PLCG2: variants seen among roughly 807,000 people sequenced by gnomAD.
PLCG2 encodes the protein 1-phosphatidylinositol 4,5-bisphosphate phosphodiesterase gamma-2.
Under a neutral mutation model 175.6 loss-of-function variants are expected in PLCG2, and 69 were observed. That is an observed-to-expected ratio of 0.39 (90% confidence interval 0.32 to 0.48). The LOEUF (loss-of-function observed/expected upper bound fraction) is 0.48, where lower values mean the gene tolerates loss of function less well. Ranked by LOEUF, PLCG2 falls within the 20% of genes least tolerant of loss-of-function variation. The pLI is 0.91. For synonymous variants in PLCG2, 827 were observed against 624.0 expected (o/e 1.33, Z -4.85); for missense variants, 1,798 against 1,650.9 (o/e 1.09, Z -1.54).
rs1911813869 is a variant in PLCG2 at position 81,962,500 on chromosome 16, C to T, written c.*4502C>T. Reference sequence around the variant, plus strand: ...CCACATTTCTTATTTTTCATTAGGCCTTAAGAAGCTGCATTTGTAAACTTG... The same window carrying T: ...CCACATTTCTTATTTTTCATTAGGCTTTAAGAAGCTGCATTTGTAAACTTG... On this transcript the variant is annotated 3_prime_UTR_variant, in exon 33 of 33. Transcript: ENST00000564138. 9.3e-6 allele frequency: 2 copies of T among 214,096 alleles called. No homozygotes were observed. Among genetic ancestry groups the T allele is most frequent in the African/African-American group, 2.3e-5 (1 of 44,250 alleles). The allele number at this position is 214,096 out of a possible 1,614,324, so 13.3% of individuals were successfully genotyped here. A position where few individuals can be genotyped will look rare whatever the true frequency, so the allele number is the denominator to read the frequency against.
At chr16:81,744,462 C>T (rs143623971) in intron 1 of PLCG2, among the ~76,000 whole-genome samples, 1 of 152,162 alleles carries the variant, frequency 6.6e-6, no homozygotes, top group South Asian at 2.1e-4. Context: ...CGCACCCAGT[C>T]CCCCAACTTC....
At chr16:81,849,402 A>C (rs932524969) in intron 2 of PLCG2, among the ~76,000 whole-genome samples, 1 of 152,184 alleles carries the variant, frequency 6.6e-6, no homozygotes, top group East Asian at 1.9e-4. Flanking sequence ...TGTCTAAAAA[A>C]GTTTTTCTTT....
chr16:81,788,972 C>T (rs1410082302), intron 2 of PLCG2, among the ~76,000 whole-genome samples: 1 of 152,200 alleles, frequency 6.6e-6, no homozygotes, highest in African/African-American at 2.4e-5. Context: ...CAGGTTGTTC[C>T]TTTCTCTTCT....
At position 81,934,536 on chromosome 16, in the gene PLCG2, C is replaced by T; in HGVS notation, c.2842+5C>T. 2 of 1,557,760 alleles carry T rather than the reference C, an allele frequency of 1.3e-6. No individual in the cohort carries two copies. The highest frequency in any genetic ancestry group is 1.8e-6 in the Non-Finnish European group (2 of 1,128,846). On this transcript the variant is annotated splice_donor_5th_base_variant and intron_variant, in intron 26 of 32. Transcript: ENST00000564138. The stretch of plus-strand genomic sequence containing the variant: ...GCAAAACCAAGGACAACTTAGGTAA[C>T]ATCTTTCCCAAGAACATGCCCTATA...
At chr16:81,920,163 G>T (rs1022650586) in intron 20 of PLCG2, among the ~76,000 whole-genome samples, 1 of 152,222 alleles carries the variant, frequency 6.6e-6, no homozygotes, top group Non-Finnish European at 1.5e-5. Flanking sequence ...GTTCACAGGT[G>T]ACTTATCATG....
At chr16:81,748,685 T>A (rs780595302) in intron 1 of PLCG2, among the ~76,000 whole-genome samples, 3 of 152,190 alleles carry the variant, frequency 2.0e-5, no homozygotes, top group Non-Finnish European at 4.4e-5. Context: ...GGGAAAGCAC[T>A]TGTGGTCAGA....
At chr16:81,753,199 T>C (rs1440117551) in intron 1 of PLCG2, among the ~76,000 whole-genome samples, 1 of 152,124 alleles carries the variant, frequency 6.6e-6, no homozygotes, top group Non-Finnish European at 1.5e-5. Context: ...TTCCCACCTG[T>C]GGCAGGTGCA....
At chr16:81,804,799 A>G (rs940154906) in intron 2 of PLCG2, among the ~76,000 whole-genome samples, 3 of 152,166 alleles carry the variant, frequency 2.0e-5, no homozygotes, top group Admixed American at 2.0e-4. Flanking sequence ...CCTAAGAGGA[A>G]CCTGGAGAAA....
intron 14 of PLCG2, among the ~76,000 whole-genome samples, chr16:81,902,088 T>C (rs1190721289): frequency 1.3e-5 from 2 of 152,214 alleles, no homozygotes. Flanking sequence ...AAATGGTTTC[T>C]GGTAAGCAAG....
chr16:81,874,349 C>G (rs1488465355), intron 7 of PLCG2, among the ~76,000 whole-genome samples: 2 of 152,156 alleles, frequency 1.3e-5, no homozygotes, highest in African/African-American at 2.4e-5. Context: ...TTTGGCAACC[C>G]TCATCTCCAC....
intron 7 of PLCG2, among the ~76,000 whole-genome samples, chr16:81,877,753 T>TCTTGGCGTGTAGATGTCATTGCATCGCTC (rs1433826889): frequency 2.9e-4 from 44 of 152,042 alleles, no homozygotes; most frequent in African/African-American, 1.0e-3. Flanking sequence ...CGTCATCGCT[T>TCTTGGCGTGTAGATGTCATTGCATCGCTC]CTTGGCGTGT....
Position 81,825,293 on chromosome 16 carries a change from T to TG in PLCG2, c.194-29151_194-29150insG, listed in dbSNP as rs1567483911. On this transcript the variant is annotated intron_variant, in intron 2 of 32. Transcript: ENST00000564138. Reference sequence around the variant, plus strand: ...TGAAGAGATGCTCTAATTTTTTTTTTTTTTTTTTTTTTTGAGACAGAGTCT... The same window carrying TG: ...TGAAGAGATGCTCTAATTTTTTTTTTGTTTTTTTTTTTTTGAGACAGAGTCT... Among the ~76,000 whole-genome samples, 78 of 144,246 alleles carry TG rather than the reference T, an allele frequency of 5.4e-4. 1 individual carries two copies. The highest frequency in any genetic ancestry group is 3.5e-3 in the Middle Eastern group (1 of 284). The allele number at this position is 144,246 out of a possible 152,430, so 94.6% of individuals were successfully genotyped here.
chr16:81,807,612 A>G (rs1188902656), intron 2 of PLCG2, among the ~76,000 whole-genome samples: 1 of 152,204 alleles, frequency 6.6e-6, no homozygotes, highest in Non-Finnish European at 1.5e-5. Context: ...GTATGTGTTC[A>G]ATACGCATTA....
In PLCG2 at chr16:81,931,561, C is replaced by A. The variant is rs756173730; in HGVS notation, c.2646C>A (p.Gly882=). 1 of 1,613,986 alleles carries A rather than the reference C, an allele frequency of 6.2e-7. No homozygotes were observed. Residue 882 remains glycine, a synonymous_variant, in exon 25 of 33, where the codon GGC becomes GGA. Coordinates refer to ENST00000564138, the MANE Select transcript of PLCG2 (RefSeq NM_002661.5). ...TCATCCTGGAGCCCAAGCAGCAGGG[C>A]GATCCTCCGGTGGAGTTTGCCACAG... is the stretch of plus-strand genomic sequence containing the variant. ...FVFILEPKQQ[G]DPPVEFATDR...
intron 2 of PLCG2, among the ~76,000 whole-genome samples, chr16:81,852,584 C>A (rs776662491): frequency 3.9e-5 from 6 of 152,190 alleles, no homozygotes; most frequent in Non-Finnish European, 5.9e-5. Context: ...GCTATCCTTG[C>A]CTGGTAGGTT....
intron 19 of PLCG2, 58 bp downstream of exon 19, chr16:81,912,774 G>A (rs142863579): frequency 2.7e-5 from 41 of 1,503,692 alleles, no homozygotes; most frequent in East Asian, 1.7e-4. Context: ...GGACAGATGC[G>A]GAGAGACAAG....
At chr16:81,800,073 G>T (rs984861175) in intron 2 of PLCG2, among the ~76,000 whole-genome samples, 2 of 152,146 alleles carry the variant, frequency 1.3e-5, no homozygotes, top group Non-Finnish European at 2.9e-5. Context: ...TGTAAAATAG[G>T]ATAATAATGG....
At chr16:81,755,123 G>C (rs1165774826) in intron 1 of PLCG2, among the ~76,000 whole-genome samples, 1 of 152,196 alleles carries the variant, frequency 6.6e-6, no homozygotes, top group Non-Finnish European at 1.5e-5. Context: ...GCAGGGAAGA[G>C]AAGCCCAGCT....
chr16:81,824,811 G>C (rs1290668188), intron 2 of PLCG2, among the ~76,000 whole-genome samples: 2 of 152,172 alleles, frequency 1.3e-5, no homozygotes, highest in South Asian at 2.1e-4. Context: ...GGAACCTGTG[G>C]ATATGTTACA....
Sources: allele counts gnomAD v4.1 joint callset (sites outside exome capture counted in the v4.1 genomes callset), GRCh38; gene constraint gnomAD v4.1.1; transcripts MANE v1.5; gene names NCBI Gene and HGNC (gene_info 2026-07-23, HGNC 2026-07-21).